Variants in CYB5R3 observed in about 807,000 individuals in gnomAD.
The protein encoded by CYB5R3 is cytochrome b5 reductase 3, also known as NADH-cytochrome b5 reductase 3.
In CYB5R3, 28 loss-of-function variants were observed where a neutral mutation model predicts 36.5. The ratio of observed to expected loss-of-function variants is 0.77; its 90% CI spans 0.57 to 1.05. The LOEUF is 1.05. Among genes scored for constraint, CYB5R3 ranks in the 50% least tolerant of loss-of-function variants. The probability of loss-of-function intolerance (pLI) is 0.00; values close to 1 mark genes in which losing one functional copy is unlikely to be tolerated. For missense variants in CYB5R3, 474 were observed against 408.9 expected (o/e 1.16, Z -1.37); for synonymous variants, 181 against 159.8 (o/e 1.13, Z -1.00).
chr22:42,625,555 G>A (rs1928222741), intron 7 of CYB5R3, among the ~76,000 whole-genome samples: 1 of 152,112 alleles, frequency 6.6e-6, no homozygotes, highest in African/African-American at 2.4e-5. Flanking sequence ...GCTAAAGTGT[G>A]TCTCATGCTT....
Position 42,631,424 on chromosome 22 carries a change from G to A in CYB5R3, c.180C>T (p.Phe60=), listed in dbSNP as rs1369815550. The A allele has an allele frequency of 1.3e-6, 2 of 1,551,640 alleles. No homozygotes were observed. The highest frequency in any genetic ancestry group is 1.7e-6 in the Non-Finnish European group (2 of 1,146,970). ...REIISHDTRR[F]RFALPSPQHI... is the part of the protein sequence containing the mutation. ...GCTGGGGTGACGGCAGGGCAAAGCGGAAGCGCCGGGTGTCATGGCTGATGA... is the reference window on the plus strand; with the variant it reads ...GCTGGGGTGACGGCAGGGCAAAGCGAAAGCGCCGGGTGTCATGGCTGATGA... The change falls in exon 3 of 9, where the codon TTC becomes TTT. Residue 60 remains phenylalanine, a synonymous_variant. Coordinates refer to ENST00000352397, the MANE Select transcript of CYB5R3 (RefSeq NM_000398.7).
intron 7 of CYB5R3, among the ~76,000 whole-genome samples, chr22:42,624,316 A>G (rs137129): frequency 0.35 from 53,417 of 152,080 alleles, 14,259 homozygotes; most frequent in African/African-American, 0.73. Context: ...AAGGCTCAGG[A>G]TTTGCACCCT....
At chr22:42,630,681 C>T (rs8190436) in intron 4 of CYB5R3, among the ~76,000 whole-genome samples, 1,698 of 152,260 alleles carry the variant, frequency 0.011, 30 homozygotes, top group African/African-American at 0.038. Flanking sequence ...CTTTGGAGTC[C>T]GGGCTGCGGG....
chr22:42,622,674 A>G (rs1001616268), intron 8 of CYB5R3, among the ~76,000 whole-genome samples: 1 of 152,180 alleles, frequency 6.6e-6, no homozygotes. Flanking sequence ...CCCAGAGCCC[A>G]TGTGCTCCTT....
rs8190477 is a variant in CYB5R3, at chr22:42,618,115, G to A, written c.*1658C>T. ...CATCTGACCCTGACAGGAGGCAGCAGCCTCGCGGTGCATTGGGGTGACTGG... is the reference window on the plus strand; with the variant it reads ...CATCTGACCCTGACAGGAGGCAGCAACCTCGCGGTGCATTGGGGTGACTGG... On this transcript the variant is annotated 3_prime_UTR_variant, in exon 9 of 9. Transcript: ENST00000352397. 0.015 allele frequency: 2,286 copies of A among 152,478 alleles called. 60 individuals are homozygous for A. The highest frequency in any genetic ancestry group is 0.051 in the African/African-American group (2,131 of 41,562). 9.4% of individuals were successfully genotyped at this position (152,478 alleles called of 1,614,324 possible). A position where few individuals can be genotyped will look rare whatever the true frequency, so the allele number is the denominator to read the frequency against.
chr22:42,638,419 A>AAAAAAT (rs200373318), intron 1 of CYB5R3, among the ~76,000 whole-genome samples: 1 of 138,410 alleles, frequency 7.2e-6, no homozygotes, highest in Non-Finnish European at 1.5e-5. Flanking sequence ...AAAAAAAAAA[A>AAAAAAT]GTTAGCTGGT....
intron 1 of CYB5R3, 108 bp from the exon 2 acceptor site, chr22:42,636,954 GCA>G: frequency 6.9e-7 from 1 of 1,459,332 alleles, no homozygotes; most frequent in Non-Finnish European, 9.3e-7. Flanking sequence ...TCTGCCAGGA[GCA>G]CCCTCTCCCC....
At chr22:42,642,808 G>T (rs981204351) in intron 1 of CYB5R3, among the ~76,000 whole-genome samples, 8 of 152,198 alleles carry the variant, frequency 5.3e-5, no homozygotes, top group African/African-American at 1.9e-4. Context: ...GAGAGGCTGA[G>T]AAGCCAAAGT....
chr22:42,634,221 C>T (rs924929425), intron 2 of CYB5R3, among the ~76,000 whole-genome samples: 2 of 150,388 alleles, frequency 1.3e-5, no homozygotes, highest in African/African-American at 4.9e-5. Flanking sequence ...ATTAGCAGGG[C>T]GTGGTGGTGG....
intron 1 of CYB5R3, chr22:42,646,949 C>G (rs1323470870): frequency 1.0e-6 from 1 of 985,588 alleles, no homozygotes; most frequent in East Asian, 1.1e-4. Context: ...AACCACAGTT[C>G]AGGATGGCAG....
chr22:42,627,560 C>T (rs1601933646), intron 6 of CYB5R3, 45 bp downstream of exon 6: 1 of 1,576,318 alleles, frequency 6.3e-7, no homozygotes, highest in Non-Finnish European at 8.7e-7. Context: ...CCAACCCCAC[C>T]CTTAACATGA....
At chr22:42,645,723 C>G (rs925200003) in intron 1 of CYB5R3, among the ~76,000 whole-genome samples, 15 of 152,202 alleles carry the variant, frequency 9.9e-5, no homozygotes, top group African/African-American at 3.6e-4. Flanking sequence ...AACCAAGCCT[C>G]AGGGGACAGA....
At chr22:42,620,552 C>A (rs1467948735) in intron 8 of CYB5R3, among the ~76,000 whole-genome samples, 1 of 152,128 alleles carries the variant, frequency 6.6e-6, no homozygotes, top group Non-Finnish European at 1.5e-5. Context: ...TGGTCTCTAT[C>A]CTTAGTAACC....
In CYB5R3 at chr22:42,640,136, G is replaced by C. The variant is rs778222320; in HGVS notation, c.22-3290C>G. ...TTTTTCAGGCTCTGAATAGCTCTAG[G>C]GATCTCAGCAGGGGTGGGAGGAACC... On this transcript the variant is annotated intron_variant, in intron 1 of 8. Coordinates refer to ENST00000352397, the MANE Select transcript of CYB5R3 (RefSeq NM_000398.7). The C allele has an allele frequency of 3.7e-6, 6 of 1,613,694 alleles. No homozygotes were observed. Among genetic ancestry groups the C allele is most frequent in the Middle Eastern group, 1.6e-4 (1 of 6,062 alleles).
At chr22:42,634,941 A>T (rs1326553700) in intron 2 of CYB5R3, among the ~76,000 whole-genome samples, 1 of 149,572 alleles carries the variant, frequency 6.7e-6, no homozygotes, top group East Asian at 2.0e-4. Flanking sequence ...AGTAGCTGGG[A>T]CTACAGGTGC....
At chr22:42,627,447 G>GCC (rs1253681783) in intron 6 of CYB5R3, 58 bp from the exon 7 acceptor site, 3 of 1,563,292 alleles carry the variant, frequency 1.9e-6, no homozygotes, top group African/African-American at 1.4e-5. Flanking sequence ...CACAGGCACC[G>GCC]CCCCGCCCAG....
intron 7 of CYB5R3, among the ~76,000 whole-genome samples, chr22:42,625,118 A>G (rs1569317586): frequency 6.6e-6 from 1 of 152,178 alleles, no homozygotes; most frequent in Non-Finnish European, 1.5e-5. Context: ...TACAGAAAAT[A>G]TGGAAGAAAA....
Position 42,619,714 on chromosome 22 carries a change from T to TGA in CYB5R3, c.*57_*58dup. On this transcript the variant is annotated 3_prime_UTR_variant, in exon 9 of 9. Transcript: ENST00000352397. ...TGTGCGATGTGGGGAGGTGACTGGG[T>TGA]GAGCGTGAACAGGGCGTGGGGTGCG... is the stretch of plus-strand genomic sequence containing the variant. 1 of 1,488,458 alleles carries TGA rather than the reference T, an allele frequency of 6.7e-7. No homozygotes were observed. The highest frequency in any genetic ancestry group is 1.3e-5 in the South Asian group (1 of 79,000). The allele number at this position is 1,488,458 out of a possible 1,614,324, so 92.2% of individuals were successfully genotyped here. A position where few individuals can be genotyped will look rare whatever the true frequency, so the allele number is the denominator to read the frequency against.
chr22:42,633,520 C>T (rs985302018), intron 2 of CYB5R3, among the ~76,000 whole-genome samples: 25 of 152,242 alleles, frequency 1.6e-4, no homozygotes, highest in Admixed American at 4.6e-4. Context: ...CGTGGTGGCT[C>T]ATGCCCGTAA....
Sources: gnomAD v4.1 joint callset for allele counts (sites outside exome capture counted in the v4.1 genomes callset) on GRCh38, gnomAD v4.1.1 for gene constraint, MANE v1.5 for transcripts, NCBI Gene and HGNC (gene_info 2026-07-23, HGNC 2026-07-21) for gene names.